The following UNC5C variants were observed in gnomAD, a reference collection of about 807,000 sequenced individuals.
UNC5C encodes the protein unc-5 netrin receptor C.
UNC5C carries 47 observed loss-of-function variants against 99.8 expected under a neutral mutation model. The ratio of observed to expected loss-of-function variants is 0.47; its 90% CI spans 0.37 to 0.60. The LOEUF (loss-of-function observed/expected upper bound fraction) is 0.60, where lower values mean the gene tolerates loss of function less well. UNC5C is among the 20% of genes least tolerant of loss of function. The pLI is 0.00. For synonymous variants in UNC5C, 487 were observed against 452.2 expected (o/e 1.08, Z -0.98); for missense variants, 1,062 against 1,165.9 (o/e 0.91, Z 1.30).
At chr4:95,181,263 A>AATC (rs1295594119) in intron 14 of UNC5C, among the ~76,000 whole-genome samples, 1 of 152,230 alleles carries the variant, frequency 6.6e-6, no homozygotes, top group African/African-American at 2.4e-5. Context: ...CAAAAGAAGT[A>AATC]ATCTTTCCTC....
rs181960146 is a variant in UNC5C at position 95,537,852 on chromosome 4, G to T, written c.124+10882C>A. Among the ~76,000 whole-genome samples the T allele has an allele frequency of 2.3e-4, 35 of 152,174 alleles. 1 individual carries two copies. In the East Asian group the frequency reaches 5.2e-3, roughly 23 times the overall value. On this transcript the variant is annotated intron_variant, in intron 1 of 15. Coordinates refer to ENST00000453304, the MANE Select transcript of UNC5C (RefSeq NM_003728.4). Reference sequence around the variant, plus strand: ...TTACACACATAACAGTGTTTGGGGTGGGGGGAGCGTCGTATAGTTTCAAAA... The same window carrying T: ...TTACACACATAACAGTGTTTGGGGTTGGGGGAGCGTCGTATAGTTTCAAAA...
intron 1 of UNC5C, among the ~76,000 whole-genome samples, chr4:95,427,809 G>A (rs895908681): frequency 1.3e-4 from 19 of 151,954 alleles, no homozygotes; most frequent in Admixed American, 3.9e-4. Context: ...AGGTATGTTC[G>A]TATTTGCTTC....
chr4:95,516,811 A>G (rs1408015491), intron 1 of UNC5C, among the ~76,000 whole-genome samples: 1 of 152,160 alleles, frequency 6.6e-6, no homozygotes, highest in Non-Finnish European at 1.5e-5. Context: ...CATTTCGACC[A>G]GGCATTTTAA....
chr4:95,476,690 C>T (rs1417022176), intron 1 of UNC5C, among the ~76,000 whole-genome samples: 1 of 152,024 alleles, frequency 6.6e-6, no homozygotes, highest in African/African-American at 2.4e-5. Context: ...GCAACTACTT[C>T]AAATAATAAA....
At chr4:95,532,274 T>C (rs1722666497) in intron 1 of UNC5C, among the ~76,000 whole-genome samples, 2 of 152,108 alleles carry the variant, frequency 1.3e-5, no homozygotes, top group Admixed American at 6.6e-5. Flanking sequence ...ACTCCTGAGA[T>C]AGTCTTGATT....
At chr4:95,252,674 A>G (rs763684735) in intron 4 of UNC5C, among the ~76,000 whole-genome samples, 1 of 152,184 alleles carries the variant, frequency 6.6e-6, no homozygotes. Flanking sequence ...GGAATCTGAA[A>G]TGCTCCAAAA....
intron 7 of UNC5C, among the ~76,000 whole-genome samples, chr4:95,240,378 T>C (rs561918119): frequency 1.3e-5 from 2 of 152,334 alleles, no homozygotes; most frequent in East Asian, 3.9e-4. Context: ...TGTAAAATAC[T>C]GTAATTACAC....
rs966757685 is a variant in UNC5C at position 95,235,560 on chromosome 4, T to G, written c.1108+6869A>C. Among the ~76,000 whole-genome samples, 24 of 152,344 alleles carry G rather than the reference T, an allele frequency of 1.6e-4. No homozygotes were observed. The East Asian group carries it at 4.6e-3, about 29-fold the overall frequency. ...GTTTTAGTCATGAAGTCCTTGCCCA[T>G]GCCTATGTCCTGAATGGTATTGCCT... is the stretch of plus-strand genomic sequence containing the variant. On this transcript the variant is annotated intron_variant, in intron 7 of 15. Transcript: ENST00000453304.
At chr4:95,178,660 C>T (rs558716763) in intron 14 of UNC5C, among the ~76,000 whole-genome samples, 1 of 152,288 alleles carries the variant, frequency 6.6e-6, no homozygotes, top group Non-Finnish European at 1.5e-5. Flanking sequence ...AGCTGCCTTC[C>T]AACTAAATGT....
At chr4:95,172,703 G>C (rs1392141041) in intron 14 of UNC5C, among the ~76,000 whole-genome samples, 1 of 151,824 alleles carries the variant, frequency 6.6e-6, no homozygotes, top group African/African-American at 2.4e-5. Flanking sequence ...TTTTGGCTTA[G>C]GATTGACTTG....
intron 14 of UNC5C, 60 bp downstream of exon 14, chr4:95,182,837 C>T: frequency 1.3e-6 from 2 of 1,550,418 alleles, no homozygotes; most frequent in Non-Finnish European, 1.8e-6. Flanking sequence ...TTAGCCCACA[C>T]ACTCTGTCTT....
At chr4:95,325,790 T>C (rs1393838885) in intron 2 of UNC5C, among the ~76,000 whole-genome samples, 1 of 152,136 alleles carries the variant, frequency 6.6e-6, no homozygotes, top group African/African-American at 2.4e-5. Flanking sequence ...TATGTTATTA[T>C]GTTAAAGAAT....
chr4:95,181,950 C>T (rs147914782), intron 14 of UNC5C, among the ~76,000 whole-genome samples: 3,376 of 152,268 alleles, frequency 0.022, 58 homozygotes, highest in Middle Eastern at 0.031. Context: ...TATACTGGCC[C>T]GCTGTCATTT....
intron 5 of UNC5C, chr4:95,248,632 T>C (rs769753430): frequency 1.8e-5 from 8 of 450,224 alleles, no homozygotes; most frequent in South Asian, 9.5e-5. Context: ...ATGCAGAAAA[T>C]AGTCAATATG....
At chr4:95,317,782 C>T (rs1304480110) in intron 2 of UNC5C, among the ~76,000 whole-genome samples, 32 of 152,166 alleles carry the variant, frequency 2.1e-4, no homozygotes, top group Admixed American at 2.0e-3. Context: ...TTAGAAATAC[C>T]GACCAAATGA....
At chr4:95,333,732 G>C (rs1033016328) in intron 2 of UNC5C, among the ~76,000 whole-genome samples, 10 of 151,804 alleles carry the variant, frequency 6.6e-5, no homozygotes, top group African/African-American at 2.4e-4. Flanking sequence ...AATAAAAAAA[G>C]AATAGTTTTG....
intron 1 of UNC5C, among the ~76,000 whole-genome samples, chr4:95,373,882 T>C (rs2621457): frequency 0.63 from 96,461 of 152,042 alleles, 32,288 homozygotes; most frequent in African/African-American, 0.85. Flanking sequence ...GTTAAGCCAT[T>C]CTAAATATGA....
chr4:95,221,960 A>G (rs1738483447), intron 7 of UNC5C, among the ~76,000 whole-genome samples: 1 of 152,054 alleles, frequency 6.6e-6, no homozygotes, highest in Non-Finnish European at 1.5e-5. Flanking sequence ...AGCACATTTC[A>G]TGATATGTTT....
intron 1 of UNC5C, among the ~76,000 whole-genome samples, chr4:95,402,091 G>A (rs1215396539): frequency 6.6e-6 from 1 of 152,118 alleles, no homozygotes; most frequent in Non-Finnish European, 1.5e-5. Context: ...TGTATCATTT[G>A]TAGTTTTATT....
Sources: gnomAD v4.1 joint callset for allele counts (sites outside exome capture counted in the v4.1 genomes callset) on GRCh38, gnomAD v4.1.1 for gene constraint, MANE v1.5 for transcripts, NCBI Gene and HGNC (gene_info 2026-07-23, HGNC 2026-07-21) for gene names.